Variants in OSBPL6 observed in about 807,000 individuals in gnomAD.
OSBPL6 encodes the protein oxysterol binding protein like 6, also known as oxysterol-binding protein-related protein 6.
A neutral mutation model predicts 125.8 loss-of-function variants in OSBPL6; 49 were observed. The observed-to-expected ratio is 0.39, with a 90% CI of 0.31 to 0.49. OSBPL6 has a LOEUF of 0.49. Ranked by LOEUF, OSBPL6 falls within the 20% of genes least tolerant of loss-of-function variation. OSBPL6 has a pLI of 0.88. For missense variants in OSBPL6, 986 were observed against 1,135.4 expected (o/e 0.87, Z 1.89); for synonymous variants, 394 against 391.8 (o/e 1.01, Z -0.07).
At chr2:178,226,302 G>T (rs1473333960) in intron 1 of OSBPL6, among the ~76,000 whole-genome samples, 1 of 140,582 alleles carries the variant, frequency 7.1e-6, no homozygotes, top group Non-Finnish European at 1.7e-5. Flanking sequence ...TTCCATGCTG[G>T]TAGCACAGTG....
chr2:178,203,062 C>T (rs1478028481), intron 1 of OSBPL6, among the ~76,000 whole-genome samples: 1 of 152,134 alleles, frequency 6.6e-6, no homozygotes, highest in African/African-American at 2.4e-5. Flanking sequence ...AGTCCATGTA[C>T]TGTATATTAG....
intron 2 of OSBPL6, among the ~76,000 whole-genome samples, chr2:178,295,732 A>T (rs1052737514): frequency 6.6e-6 from 1 of 152,084 alleles, no homozygotes; most frequent in Admixed American, 6.6e-5. Flanking sequence ...TGTTGTGTTT[A>T]TATAATAAAA....
Position 178,331,898 on chromosome 2 carries a change from T to A in OSBPL6, c.372+293T>A, listed in dbSNP as rs531084710. Among the ~76,000 whole-genome samples the A allele has an allele frequency of 5.3e-5, 8 of 152,334 alleles. No individual in the cohort carries two copies. In the East Asian group the frequency reaches 1.5e-3, roughly 29 times the overall value. On this transcript the variant is annotated intron_variant, in intron 6 of 24. Transcript: ENST00000190611. Reference sequence around the variant, plus strand: ...AGAAAACGCAAATGGGCTTTTTTCCTCCATCTTCCAATAAACTCTGCTTTA... The same window carrying A: ...AGAAAACGCAAATGGGCTTTTTTCCACCATCTTCCAATAAACTCTGCTTTA...
chr2:178,348,029 G>A (rs1295935095), intron 11 of OSBPL6, among the ~76,000 whole-genome samples: 3 of 152,130 alleles, frequency 2.0e-5, no homozygotes, highest in African/African-American at 7.2e-5. Context: ...CTGCAGCTCA[G>A]GCCAGATATT....
chr2:178,343,828 C>CA (rs1025030969), intron 11 of OSBPL6, among the ~76,000 whole-genome samples: 4 of 151,730 alleles, frequency 2.6e-5, no homozygotes, highest in Non-Finnish European at 4.4e-5. Flanking sequence ...ATTAAAAAAA[C>CA]AAAAAAAATT....
chr2:178,359,133 G>C (rs111789753), intron 12 of OSBPL6, among the ~76,000 whole-genome samples: 1 of 152,034 alleles, frequency 6.6e-6, no homozygotes, highest in Non-Finnish European at 1.5e-5. Flanking sequence ...CTATGATCAC[G>C]CCATTGCACT....
At chr2:178,362,194 A>C (rs1289784216) in intron 13 of OSBPL6, among the ~76,000 whole-genome samples, 1 of 152,194 alleles carries the variant, frequency 6.6e-6, no homozygotes, top group Non-Finnish European at 1.5e-5. Context: ...ATTTTTTAAA[A>C]ATGTACTAGA....
chr2:178,271,676 C>T lies in OSBPL6; in HGVS notation c.-350-13251C>T, dbSNP rs1352917681. ...TAATAATTTTTAAACATTATTTTGA[C>T]CTCGATTTGCATGTGACAAACATGT... is the stretch of plus-strand genomic sequence containing the variant. On this transcript the variant is annotated intron_variant, in intron 1 of 24. Coordinates refer to ENST00000190611, the MANE Select transcript of OSBPL6 (RefSeq NM_032523.4). Among the ~76,000 whole-genome samples the T allele has an allele frequency of 2.0e-5, 3 of 152,178 alleles. No homozygotes were observed. The East Asian group carries it at 5.8e-4, about 29-fold the overall frequency.
At chr2:178,301,086 G>A (rs188060082) in intron 2 of OSBPL6, among the ~76,000 whole-genome samples, 1 of 152,040 alleles carries the variant, frequency 6.6e-6, no homozygotes, top group Admixed American at 6.6e-5. Context: ...AATTCAACCT[G>A]ATCATTACTA....
At chr2:178,290,444 T>A (rs2154042914) in intron 2 of OSBPL6, among the ~76,000 whole-genome samples, 1 of 149,718 alleles carries the variant, frequency 6.7e-6, no homozygotes, top group Non-Finnish European at 1.5e-5. Flanking sequence ...TTTTTTTTCA[T>A]TTTGATGCTC....
chr2:178,258,512 C>T lies in OSBPL6; in HGVS notation c.-350-26415C>T, dbSNP rs112255542. Among the ~76,000 whole-genome samples the T allele has an allele frequency of 2.3e-3, 350 of 152,270 alleles. 2 individuals carry two copies. The highest frequency in any genetic ancestry group is 8.2e-3 in the African/African-American group (340 of 41,560). On this transcript the variant is annotated intron_variant, in intron 1 of 24. Transcript: ENST00000190611. The stretch of plus-strand genomic sequence containing the variant: ...TCAGCCACGACAATTATTGATATCC[C>T]ACCATTCTTATATCATCTATACATC...
At chr2:178,220,526 G>A (rs2090294962) in intron 1 of OSBPL6, among the ~76,000 whole-genome samples, 1 of 152,044 alleles carries the variant, frequency 6.6e-6, no homozygotes, top group Non-Finnish European at 1.5e-5. Flanking sequence ...GGCTGGTCTT[G>A]AACTCCTGGG....
chr2:178,292,047 A>G (rs958121788), intron 2 of OSBPL6, among the ~76,000 whole-genome samples: 3 of 152,006 alleles, frequency 2.0e-5, no homozygotes, highest in Non-Finnish European at 4.4e-5. Flanking sequence ...TTCATCACCC[A>G]GATTAAGCCT....
At chr2:178,303,030 C>T (rs1005730196) in intron 2 of OSBPL6, among the ~76,000 whole-genome samples, 2 of 152,108 alleles carry the variant, frequency 1.3e-5, no homozygotes, top group African/African-American at 4.8e-5. Flanking sequence ...ATCAAGGATC[C>T]GAGCAGTGTC....
chr2:178,269,315 T>G (rs2092320784), intron 1 of OSBPL6, among the ~76,000 whole-genome samples: 1 of 152,144 alleles, frequency 6.6e-6, no homozygotes, highest in South Asian at 2.1e-4. Flanking sequence ...TAATGGACAT[T>G]TGGGTTAGTT....
chr2:178,222,040 T>TGAAG (rs1433030459), intron 1 of OSBPL6, among the ~76,000 whole-genome samples: 1 of 152,120 alleles, frequency 6.6e-6, no homozygotes, highest in African/African-American at 2.4e-5. Flanking sequence ...TGGAGAGGAA[T>TGAAG]GAAGGAAGTC....
chr2:178,287,376 T>G (rs1300153022), intron 2 of OSBPL6, among the ~76,000 whole-genome samples: 3 of 152,002 alleles, frequency 2.0e-5, no homozygotes, highest in African/African-American at 7.2e-5. Flanking sequence ...GGCCAATGGG[T>G]GGGATTTTTA....
chr2:178,284,737 A>G (rs1263733099), intron 1 of OSBPL6, among the ~76,000 whole-genome samples, 190 bp from the exon 2 acceptor site: 1 of 152,224 alleles, frequency 6.6e-6, no homozygotes, highest in African/African-American at 2.4e-5. Context: ...TGAGAAGGTC[A>G]GTGGTTACGT....
chr2:178,258,164 G>A (rs1028698019), intron 1 of OSBPL6, among the ~76,000 whole-genome samples: 3 of 151,528 alleles, frequency 2.0e-5, no homozygotes, highest in Non-Finnish European at 4.4e-5. Flanking sequence ...GCAGTGGCGC[G>A]ATCTTGGCTC....
Sources: allele counts gnomAD v4.1 joint callset (sites outside exome capture counted in the v4.1 genomes callset), GRCh38; gene constraint gnomAD v4.1.1; transcripts MANE v1.5; gene names NCBI Gene and HGNC (gene_info 2026-07-23, HGNC 2026-07-21).